Variants in SLC25A48 observed in about 807,000 individuals in gnomAD.
SLC25A48 encodes CTC-321K16.1.
A neutral mutation model predicts 32.2 loss-of-function variants in SLC25A48; 29 were observed. The observed-to-expected ratio is 0.90, with a 90% CI of 0.67 to 1.23. The LOEUF (loss-of-function observed/expected upper bound fraction) is 1.23. Ranked by LOEUF, SLC25A48 falls within the 50% of genes most tolerant of loss-of-function variation. The probability of loss-of-function intolerance (pLI) is 0.00; values close to 1 mark genes in which losing one functional copy is unlikely to be tolerated. For missense variants in SLC25A48, 399 were observed against 422.7 expected (o/e 0.94, Z 0.49); for synonymous variants, 164 against 172.3 (o/e 0.95, Z 0.38).
chr5:135,795,218 G>A (rs1757138850), intron 3 of SLC25A48, among the ~76,000 whole-genome samples: 1 of 151,672 alleles, frequency 6.6e-6, no homozygotes, highest in African/African-American at 2.4e-5. Context: ...ATTTCATGGG[G>A]GAGAGGAAGA....
intron 3 of SLC25A48, among the ~76,000 whole-genome samples, chr5:135,748,309 T>C (rs1435008765): frequency 6.6e-6 from 1 of 152,198 alleles, no homozygotes; most frequent in African/African-American, 2.4e-5. Flanking sequence ...TTATTTTTAT[T>C]CTCTTTTGAG....
intron 3 of SLC25A48, among the ~76,000 whole-genome samples, chr5:135,764,558 G>A (rs1025011273): frequency 2.0e-5 from 3 of 151,744 alleles, no homozygotes; most frequent in African/African-American, 4.8e-5. Context: ...GTAATATCCA[G>A]GGAGAAAGAG....
intron 1 of SLC25A48, among the ~76,000 whole-genome samples, chr5:135,593,309 G>A (rs1396291808): frequency 3.3e-5 from 5 of 152,170 alleles, no homozygotes; most frequent in South Asian, 2.1e-4. Context: ...AAGATGCTGA[G>A]TATAGGCTTC....
intron 3 of SLC25A48, among the ~76,000 whole-genome samples, chr5:135,710,452 T>C (rs1408443381): frequency 6.6e-6 from 1 of 152,186 alleles, no homozygotes; most frequent in African/African-American, 2.4e-5. Flanking sequence ...TCCGTCTTGT[T>C]TTGATCACTG....
chr5:135,863,632 C>A (rs765150229), intron 4 of SLC25A48, among the ~76,000 whole-genome samples: 1 of 152,186 alleles, frequency 6.6e-6, no homozygotes, highest in African/African-American at 2.4e-5. Flanking sequence ...ATCACAGCAA[C>A]CCTATGAAAT....
chr5:135,730,146 C>A (rs1196103043), intron 3 of SLC25A48, among the ~76,000 whole-genome samples: 1 of 152,192 alleles, frequency 6.6e-6, no homozygotes, highest in Non-Finnish European at 1.5e-5. Flanking sequence ...AAGTGCTATT[C>A]TTTTTCTTTA....
chr5:135,778,023 G>A (rs1756612387), intron 3 of SLC25A48, among the ~76,000 whole-genome samples: 1 of 138,096 alleles, frequency 7.2e-6, no homozygotes, highest in South Asian at 2.3e-4. Context: ...ATATCCAAAC[G>A]GGGAGAGGCT....
chr5:135,789,281 CTG>C (rs1756953807), intron 3 of SLC25A48, among the ~76,000 whole-genome samples: 3 of 56,496 alleles, frequency 5.3e-5, no homozygotes, highest in African/African-American at 8.4e-5. Flanking sequence ...TGTACACCCC[CTG>C]CCATATGTTT....
intron 3 of SLC25A48, among the ~76,000 whole-genome samples, chr5:135,680,104 G>C (rs1753860648): frequency 6.6e-6 from 1 of 152,086 alleles, no homozygotes; most frequent in South Asian, 2.1e-4. Context: ...CTTGCTTTAG[G>C]TGTCTGTAGT....
At chr5:135,858,150 C>T (rs573770963) in intron 4 of SLC25A48, among the ~76,000 whole-genome samples, 1 of 152,332 alleles carries the variant, frequency 6.6e-6, no homozygotes, top group South Asian at 2.1e-4. Flanking sequence ...ACCCCCGAGG[C>T]AGCAACAGAA....
chr5:135,879,635 T>G (rs1762313704), intron 6 of SLC25A48, among the ~76,000 whole-genome samples: 1 of 151,682 alleles, frequency 6.6e-6, no homozygotes, highest in African/African-American at 2.4e-5. Flanking sequence ...TGTGTGTGTG[T>G]GTGTGTGTAC....
At chr5:135,591,070 G>A (rs538117425) in intron 1 of SLC25A48, among the ~76,000 whole-genome samples, 1 of 152,344 alleles carries the variant, frequency 6.6e-6, no homozygotes, top group East Asian at 1.9e-4. Flanking sequence ...GTATCTGGGT[G>A]ACCAGAGCTG....
chr5:135,800,873 G>C (rs1301329812), intron 3 of SLC25A48, among the ~76,000 whole-genome samples: 1 of 150,842 alleles, frequency 6.6e-6, no homozygotes, highest in Non-Finnish European at 1.5e-5. Flanking sequence ...CAGAGGGGGA[G>C]AGGATGATAT....
intron 3 of SLC25A48, among the ~76,000 whole-genome samples, chr5:135,665,213 G>A (rs1018729128): frequency 3.9e-5 from 6 of 152,018 alleles, no homozygotes; most frequent in African/African-American, 1.4e-4. Context: ...TTGGCTATTT[G>A]TATATCCTCT....
chr5:135,725,686 G>A (rs1162451178), intron 3 of SLC25A48, among the ~76,000 whole-genome samples: 3 of 152,268 alleles, frequency 2.0e-5, no homozygotes, highest in East Asian at 3.9e-4. Flanking sequence ...GGTGTTAGCT[G>A]TAGCTCTAGG....
intron 6 of SLC25A48, chr5:135,874,599 C>T (rs916462738): frequency 3.0e-6 from 2 of 662,046 alleles, no homozygotes; most frequent in African/African-American, 3.6e-5. Flanking sequence ...AGCTCCAGGC[C>T]CTGTGAACTG....
chr5:135,835,648 A>C (rs1758439903), intron 1 of SLC25A48, among the ~76,000 whole-genome samples: 1 of 142,858 alleles, frequency 7.0e-6, no homozygotes, highest in South Asian at 2.3e-4. Flanking sequence ...CTATTAGGAA[A>C]GGGGGAAGTT....
chr5:135,613,673 C>T (rs182322449), intron 1 of SLC25A48, among the ~76,000 whole-genome samples: 1 of 152,288 alleles, frequency 6.6e-6, no homozygotes, highest in East Asian at 1.9e-4. Context: ...ATCCACTCTT[C>T]TCAGCACCAT....
chr5:135,639,252 T>C (rs1175289164), intron 3 of SLC25A48, among the ~76,000 whole-genome samples: 1 of 152,178 alleles, frequency 6.6e-6, no homozygotes, highest in Non-Finnish European at 1.5e-5. Flanking sequence ...CTTTTGTGCA[T>C]AAAGGGCTAT....
Sources: gnomAD v4.1 joint callset for allele counts (sites outside exome capture counted in the v4.1 genomes callset) on GRCh38, gnomAD v4.1.1 for gene constraint, MANE v1.5 for transcripts, NCBI Gene and HGNC (gene_info 2026-07-23, HGNC 2026-07-21) for gene names.